ASIC2: variants seen among roughly 807,000 people sequenced by gnomAD.
The protein encoded by ASIC2 is acid sensing ion channel subunit 2.
ASIC2 carries 25 observed loss-of-function variants against 57.3 expected under a neutral mutation model. The observed-to-expected ratio is 0.44, with a 90% CI of 0.32 to 0.61. The LOEUF (loss-of-function observed/expected upper bound fraction) is 0.61, where lower values mean the gene tolerates loss of function less well. Among genes scored for constraint, ASIC2 ranks in the 20% least tolerant of loss-of-function variants. The probability of loss-of-function intolerance (pLI) is 0.06; values close to 1 mark genes in which losing one functional copy is unlikely to be tolerated. For synonymous variants in ASIC2, 319 were observed against 307.5 expected (o/e 1.04, Z -0.39); for missense variants, 641 against 738.1 (o/e 0.87, Z 1.52).
At chr17:33,804,586 A>G (rs747762378) in intron 1 of ASIC2, among the ~76,000 whole-genome samples, 6 of 152,246 alleles carry the variant, frequency 3.9e-5, no homozygotes, top group Non-Finnish European at 8.8e-5. Flanking sequence ...CCAAGCTTTT[A>G]GTGTGCCCAT....
At chr17:33,581,927 C>G (rs1904455351) in intron 1 of ASIC2, among the ~76,000 whole-genome samples, 1 of 152,166 alleles carries the variant, frequency 6.6e-6, no homozygotes. Context: ...ACCGTAGACC[C>G]AGGTGCTATC....
At chr17:34,125,408 T>TA (rs1454229875) in intron 1 of ASIC2, among the ~76,000 whole-genome samples, 2 of 152,180 alleles carry the variant, frequency 1.3e-5, no homozygotes, top group Non-Finnish European at 2.9e-5. Flanking sequence ...CTGAAGGTCT[T>TA]AATGCAGTCT....
intron 1 of ASIC2, among the ~76,000 whole-genome samples, chr17:33,890,632 C>T (rs747833073): frequency 3.9e-5 from 6 of 152,116 alleles, no homozygotes; most frequent in Non-Finnish European, 7.4e-5. Flanking sequence ...TCTGAACCAC[C>T]GTCCATTCTA....
chr17:33,799,738 G>T (rs1912075995), intron 1 of ASIC2, among the ~76,000 whole-genome samples: 1 of 151,672 alleles, frequency 6.6e-6, no homozygotes, highest in Non-Finnish European at 1.5e-5. Flanking sequence ...ACATCTGCCA[G>T]TCTCAGGGTG....
intron 1 of ASIC2, among the ~76,000 whole-genome samples, chr17:34,107,718 G>A (rs56696958): frequency 0.18 from 26,998 of 151,990 alleles, 3,026 homozygotes; most frequent in African/African-American, 0.32. Context: ...ACTCAAAATA[G>A]TTTGTTCTTT....
intron 1 of ASIC2, among the ~76,000 whole-genome samples, chr17:33,856,660 G>A (rs184863124): frequency 9.4e-6 from 1 of 106,690 alleles, no homozygotes; most frequent in Admixed American, 1.0e-4. Context: ...TAGACACAGA[G>A]GGTGTGCTCT....
intron 1 of ASIC2, among the ~76,000 whole-genome samples, chr17:33,145,245 G>C (rs537111002): frequency 6.6e-6 from 1 of 152,210 alleles, no homozygotes; most frequent in Non-Finnish European, 1.5e-5. Context: ...GCTCAGGTCT[G>C]CACCCTTCTG....
chr17:34,086,466 G>A (rs1375757534), intron 1 of ASIC2, among the ~76,000 whole-genome samples: 1 of 151,946 alleles, frequency 6.6e-6, no homozygotes, highest in African/African-American at 2.4e-5. Context: ...CAACTATGTG[G>A]TCAATTTTGG....
rs531586303 is a variant in ASIC2, at chr17:33,175,126, C to A, written c.709-63059G>T. Among the ~76,000 whole-genome samples the A allele has an allele frequency of 9.8e-5, 15 of 152,314 alleles. No individual in the cohort carries two copies. In the South Asian group the frequency reaches 1.7e-3, roughly 17 times the overall value. ...GATGGCTTACATGAAGCTAAGCACT[C>A]TGGTGATTATAAAATAGCTGACATA... On this transcript the variant is annotated intron_variant, in intron 1 of 9. Coordinates refer to ENST00000225823, the MANE Select transcript of ASIC2 (RefSeq NM_183377.2).
intron 1 of ASIC2, among the ~76,000 whole-genome samples, chr17:34,143,307 T>C (rs1007623703): frequency 2.1e-4 from 32 of 152,216 alleles, no homozygotes; most frequent in Non-Finnish European, 3.8e-4. Context: ...GACATATTGG[T>C]ACATGCTATG....
chr17:33,181,966 C>G (rs1906001542), intron 1 of ASIC2, among the ~76,000 whole-genome samples: 2 of 151,998 alleles, frequency 1.3e-5, no homozygotes, highest in African/African-American at 4.8e-5. Flanking sequence ...CGTGTAGAAC[C>G]CTGCAGTGAC....
At chr17:34,152,695 G>C (rs142631584) in intron 1 of ASIC2, among the ~76,000 whole-genome samples, 1 of 152,200 alleles carries the variant, frequency 6.6e-6, no homozygotes, top group African/African-American at 2.4e-5. Flanking sequence ...TCACATGTTA[G>C]ATGACCAAGT....
At chr17:33,912,481 A>AAAACAAAC (rs376754849) in intron 1 of ASIC2, among the ~76,000 whole-genome samples, 1 of 151,838 alleles carries the variant, frequency 6.6e-6, no homozygotes, top group South Asian at 2.1e-4. Flanking sequence ...CCTCCATCTC[A>AAAACAAAC]AAACAAACAA....
At chr17:33,570,528 A>G (rs1297473348) in intron 1 of ASIC2, among the ~76,000 whole-genome samples, 1 of 152,218 alleles carries the variant, frequency 6.6e-6, no homozygotes. Context: ...CTGTCCCCTT[A>G]CCCCAAATTT....
At chr17:33,496,403 T>C (rs1913931528) in intron 1 of ASIC2, among the ~76,000 whole-genome samples, 1 of 152,090 alleles carries the variant, frequency 6.6e-6, no homozygotes, top group African/African-American at 2.4e-5. Flanking sequence ...AGAAACTATG[T>C]CTTATTTTTA....
At chr17:33,770,941 G>A (rs375027194) in intron 1 of ASIC2, among the ~76,000 whole-genome samples, 1 of 152,118 alleles carries the variant, frequency 6.6e-6, no homozygotes, top group East Asian at 1.9e-4. Context: ...GGTATTATTT[G>A]TCTATCTGTG....
intron 1 of ASIC2, among the ~76,000 whole-genome samples, chr17:33,799,798 G>A (rs1328512447): frequency 1.3e-5 from 2 of 152,008 alleles, no homozygotes; most frequent in Non-Finnish European, 2.9e-5. Context: ...AACAACCCAA[G>A]AGGGTACTCT....
intron 1 of ASIC2, among the ~76,000 whole-genome samples, chr17:33,980,483 T>C (rs1204802994): frequency 6.6e-6 from 1 of 152,142 alleles, no homozygotes; most frequent in African/African-American, 2.4e-5. Context: ...CCACAACACA[T>C]ATGGAGATGG....
chr17:33,439,837 A>T (rs530325501), intron 1 of ASIC2, among the ~76,000 whole-genome samples: 2 of 152,346 alleles, frequency 1.3e-5, no homozygotes, highest in African/African-American at 4.8e-5. Flanking sequence ...GGAGCAATGG[A>T]GGAAGCATCG....
Sources: allele counts gnomAD v4.1 joint callset (sites outside exome capture counted in the v4.1 genomes callset), GRCh38; gene constraint gnomAD v4.1.1; transcripts MANE v1.5; gene names NCBI Gene and HGNC (gene_info 2026-07-23, HGNC 2026-07-21).